Variants in TRIM45 observed in about 807,000 individuals in gnomAD.
TRIM45 encodes the protein E3 ubiquitin-protein ligase TRIM45.
A neutral mutation model predicts 46.7 loss-of-function variants in TRIM45; 45 were observed. That is an observed-to-expected ratio of 0.96 (90% CI 0.76 to 1.24). The LOEUF is 1.24. Among genes scored for constraint, TRIM45 ranks in the 50% most tolerant of loss-of-function variants. The pLI is 0.00. For synonymous variants in TRIM45, 259 were observed against 285.8 expected, an observed-to-expected ratio of 0.91 and a Z score of 0.94; for missense variants, 680 against 728.4, an observed-to-expected ratio of 0.93 and a Z score of 0.77.
At chr1:117,120,252 T>C (rs1463475410) in intron 1 of TRIM45, among the ~76,000 whole-genome samples, 4 of 152,224 alleles carry the variant, frequency 2.6e-5, no homozygotes, top group African/African-American at 9.7e-5. Context: ...TCAGTTCTGT[T>C]ACACACTTAC....
chr1:117,122,817 AC>A (rs1056599302), upstream of TRIM45, among the ~76,000 whole-genome samples: 5 of 152,198 alleles, frequency 3.3e-5, no homozygotes, highest in African/African-American at 1.2e-4. Flanking sequence ...AAAAATGGAA[AC>A]AGCTGCTCCT....
chr1:117,122,073 C>T (rs1650671179), upstream of TRIM45: 2 of 406,772 alleles, frequency 4.9e-6, no homozygotes, highest in Non-Finnish European at 8.8e-6. Context: ...CTCAGGACCT[C>T]TTAAAAAGCC....
Position 117,112,125 on chromosome 1 carries a change from TGCTCAACCA to T in TRIM45, c.*171_*179del. On this transcript the variant is annotated 3_prime_UTR_variant, in exon 6 of 6. Coordinates refer to ENST00000256649, the MANE Select transcript of TRIM45 (RefSeq NM_025188.4). Reference sequence around the variant, plus strand: ...AGAGAAATGTAGAGGTGGTTTTTTGTGCTCAACCATCCACAAGTACAATCAGTGAATAAC... The same window carrying T: ...AGAGAAATGTAGAGGTGGTTTTTTGTTCCACAAGTACAATCAGTGAATAAC... The T allele has an allele frequency of 1.6e-6, 1 of 612,284 alleles. No homozygotes were observed. The highest frequency in any genetic ancestry group is 2.5e-6 in the Non-Finnish European group (1 of 402,956). The allele number at this position is 612,284 out of a possible 1,614,324, so 37.9% of individuals were successfully genotyped here. A position where few individuals can be genotyped will look rare whatever the true frequency, so the allele number is the denominator to read the frequency against.
rs1323180260 is a variant in TRIM45 at position 117,115,277 on chromosome 1, G to C, written c.1467+298C>G. On this transcript the variant is annotated intron_variant, in intron 4 of 5. Coordinates refer to ENST00000256649, the MANE Select transcript of TRIM45 (RefSeq NM_025188.4). This position sits in a 1 kb window ranked among gnomAD's most constrained non-coding sequence, Gnocchi z 4.2. ...GAATATGCATGGTTGTCTGCTGGCA[G>C]ATCACCCCCTGTGATCAAGACATCT... 6.6e-6 allele frequency among the ~76,000 whole-genome samples: 1 copy of C among 152,120 alleles called. No individual in the cohort carries two copies. The highest frequency in any genetic ancestry group is 1.9e-4 in the East Asian group (1 of 5,194).
chr1:117,120,668 T>C (rs751935174), intron 1 of TRIM45, 46 bp downstream of exon 1: 1 of 1,538,568 alleles, frequency 6.5e-7, no homozygotes, highest in Non-Finnish European at 8.8e-7. Context: ...GACACCTCTT[T>C]GTAATCTGCT....
chr1:117,117,953 C>G lies in TRIM45; in HGVS notation c.1222+81G>C, dbSNP rs1650463816. The G allele has an allele frequency of 1.3e-6, 2 of 1,531,268 alleles. No individual in the cohort carries two copies. The allele number at this position is 1,531,268 out of a possible 1,614,324, so 94.9% of individuals were successfully genotyped here. ...TAACCTGGTCAGTAGGGCATGCTTCCTAGCAGAACAAGCCACCAATCTTCA... is the reference window on the plus strand; with the variant it reads ...TAACCTGGTCAGTAGGGCATGCTTCGTAGCAGAACAAGCCACCAATCTTCA... On this transcript the variant is annotated intron_variant, in intron 2 of 5. Coordinates refer to ENST00000256649, the MANE Select transcript of TRIM45 (RefSeq NM_025188.4). The surrounding 1 kb of genome is among the most constrained non-coding windows in gnomAD (Gnocchi z 4.9).
In TRIM45 at chr1:117,117,823, G is replaced by A. The variant is rs1370861121; in HGVS notation, c.1222+211C>T. Reference sequence around the variant, plus strand: ...TTATTACTTCTCTGAACTGGAAAAGGGTCAAGCCTCACTCCTGTATTAACT... The same window carrying A: ...TTATTACTTCTCTGAACTGGAAAAGAGTCAAGCCTCACTCCTGTATTAACT... On this transcript the variant is annotated intron_variant, in intron 2 of 5. Transcript: ENST00000256649. The surrounding 1 kb of genome is among the most constrained non-coding windows in gnomAD (Gnocchi z 4.9). 6.6e-6 allele frequency among the ~76,000 whole-genome samples: 1 copy of A among 152,168 alleles called. No individual in the cohort carries two copies. The highest frequency in any genetic ancestry group is 1.5e-5 in the Non-Finnish European group (1 of 68,020).
In TRIM45 at chr1:117,121,029, G is replaced by C. The variant is rs780891114; in HGVS notation, c.173C>G (p.Pro58Arg). 6.8e-6 allele frequency: 11 copies of C among 1,614,024 alleles called. No individual in the cohort carries two copies. The highest frequency in any genetic ancestry group is 7.6e-6 in the Non-Finnish European group (9 of 1,180,040). ...CCCTCGGATGTCCACTACTGAGAAG[G>C]GCTCCAGCTGCTCCAGACACGTGGT... is the stretch of plus-strand genomic sequence containing the variant. Reference protein sequence around the residue: ...VCTTCLEQLEPFSVVDIRGGD... With the variant: ...VCTTCLEQLERFSVVDIRGGD... The change falls in exon 1 of 6, where the codon CCC becomes CGC. Residue 58 changes from proline (P) to arginine (R), a missense_variant. Around this residue, in one of 3 missense-constraint regions of TRIM45, gnomAD observed 349 missense variants for 343.6 expected, o/e 1.02. Transcript: ENST00000256649. The surrounding 1 kb of genome is among the most constrained non-coding windows in gnomAD (Gnocchi z 4.2).
rs564147053 is a variant in TRIM45, at chr1:117,113,128, G to A, written c.1594+231C>T. On this transcript the variant is annotated intron_variant, in intron 5 of 5. Transcript: ENST00000256649. The surrounding 1 kb of genome is among the most constrained non-coding windows in gnomAD (Gnocchi z 4.0). Reference sequence around the variant, plus strand: ...CTACATAGAAGCACAGGGCTCATAGGAGCTGTACCAAAACTAACAGAACTG... The same window carrying A: ...CTACATAGAAGCACAGGGCTCATAGAAGCTGTACCAAAACTAACAGAACTG... Among the ~76,000 whole-genome samples the A allele has an allele frequency of 6.6e-6, 1 of 152,334 alleles. No homozygotes were observed. The highest frequency in any genetic ancestry group is 1.5e-5 in the Non-Finnish European group (1 of 68,028).
At position 117,117,251 on chromosome 1, in the gene TRIM45, G is replaced by A. The variant is rs141662701; in HGVS notation, c.1223-506C>T. ...CTACTCCAGCATTCAGATGAAACAGGGTTTCTTAACCTGAGGTTCATGAAC... is the reference window on the plus strand; with the variant it reads ...CTACTCCAGCATTCAGATGAAACAGAGTTTCTTAACCTGAGGTTCATGAAC... On this transcript the variant is annotated intron_variant, in intron 2 of 5. Coordinates refer to ENST00000256649, the MANE Select transcript of TRIM45 (RefSeq NM_025188.4). This position sits in a 1 kb window ranked among gnomAD's most constrained non-coding sequence, Gnocchi z 4.9. 2.2e-3 allele frequency among the ~76,000 whole-genome samples: 336 copies of A among 152,224 alleles called. 2 individuals carry two copies. Among genetic ancestry groups the A allele is most frequent in the African/African-American group, 7.5e-3 (310 of 41,538 alleles).
At position 117,119,765 on chromosome 1, in the gene TRIM45, A is replaced by G. The variant is rs557083031; in HGVS notation, c.488+949T>C. Reference sequence around the variant, plus strand: ...AGAGTTCCTCCATTAGCATTGTATCAATTTGAAGCTTATATGCCTATTCTG... The same window carrying G: ...AGAGTTCCTCCATTAGCATTGTATCGATTTGAAGCTTATATGCCTATTCTG... On this transcript the variant is annotated intron_variant, in intron 1 of 5. Coordinates refer to ENST00000256649, the MANE Select transcript of TRIM45 (RefSeq NM_025188.4). Among the ~76,000 whole-genome samples, 4 of 152,336 alleles carry G rather than the reference A, an allele frequency of 2.6e-5. No individual in the cohort carries two copies. In the South Asian group the frequency reaches 6.2e-4, roughly 24 times the overall value.
At position 117,117,998 on chromosome 1, in the gene TRIM45, C is replaced by A. The variant is rs769447962; in HGVS notation, c.1222+36G>T. On this transcript the variant is annotated intron_variant, in intron 2 of 5. Coordinates refer to ENST00000256649, the MANE Select transcript of TRIM45 (RefSeq NM_025188.4). The surrounding 1 kb of genome is among the most constrained non-coding windows in gnomAD (Gnocchi z 4.9). ...TCTTCACACACCACCTCCCTGTCCACTGCCCTCTCAATGTCAATGGGAAAT... is the reference window on the plus strand; with the variant it reads ...TCTTCACACACCACCTCCCTGTCCAATGCCCTCTCAATGTCAATGGGAAAT... The A allele has an allele frequency of 6.3e-7, 1 of 1,588,602 alleles. No individual in the cohort carries two copies. Among genetic ancestry groups the A allele is most frequent in the South Asian group, 1.2e-5 (1 of 85,130 alleles).
rs1650628933 is a variant in TRIM45 at position 117,121,454 on chromosome 1, C to T, written c.-253G>A. 7.7e-6 allele frequency: 4 copies of T among 522,856 alleles called. No homozygotes were observed. The highest frequency in any genetic ancestry group is 3.7e-5 in the Admixed American group (1 of 27,380). 32.4% of individuals were successfully genotyped at this position (522,856 alleles called of 1,614,324 possible). On this transcript the variant is annotated 5_prime_UTR_variant, in exon 1 of 6. Transcript: ENST00000256649. The surrounding 1 kb of genome is among the most constrained non-coding windows in gnomAD (Gnocchi z 4.2). ...GACACGCCCACGCCCTCCTCTGCCC[C>T]GCAAGTCCTCCCCGGATGCGCTTCC...
chr1:117,122,860 G>A (rs991573076), upstream of TRIM45, among the ~76,000 whole-genome samples: 4 of 152,102 alleles, frequency 2.6e-5, no homozygotes, highest in South Asian at 2.1e-4. Flanking sequence ...CTCCAGTTGC[G>A]TCAGCTTGTC....
Position 117,118,486 on chromosome 1 carries a change from GC to G in TRIM45, c.769del (p.Ala257LeufsTer5). The G allele has an allele frequency of 6.2e-7, 1 of 1,614,154 alleles. No individual in the cohort carries two copies. The highest frequency in any genetic ancestry group is 8.5e-7 in the Non-Finnish European group (1 of 1,180,038). The part of the protein sequence containing the change: ...PHVEALEEAL[A>X]QIHIINSALQ... Reference sequence around the variant, plus strand: ...GGCACTGTTTATTATGTGGATCTGAGCCAGGGCTTCCTCCAGGGCCTCCACG... The same window carrying G: ...GGCACTGTTTATTATGTGGATCTGAGCAGGGCTTCCTCCAGGGCCTCCACG... On this transcript the variant is annotated frameshift_variant, in exon 2 of 6. Coordinates refer to ENST00000256649, the MANE Select transcript of TRIM45 (RefSeq NM_025188.4). LOFTEE classifies it high-confidence loss of function. The surrounding 1 kb of genome is among the most constrained non-coding windows in gnomAD (Gnocchi z 5.7).
At chr1:117,123,923 G>A (rs565805818), upstream of TRIM45, among the ~76,000 whole-genome samples, 2 of 152,088 alleles carry the variant, frequency 1.3e-5, no homozygotes, top group African/African-American at 4.8e-5. Context: ...GAGCCACCGC[G>A]CCTGGCCACC....
At chr1:117,114,563 G>C (rs1374717675) in intron 4 of TRIM45, among the ~76,000 whole-genome samples, 1 of 152,226 alleles carries the variant, frequency 6.6e-6, no homozygotes, top group East Asian at 1.9e-4. Context: ...AAGTCTTTCA[G>C]ATGTTAAATT....
chr1:117,120,572 G>T, intron 1 of TRIM45, 142 bp downstream of exon 1: 2 of 1,175,334 alleles, frequency 1.7e-6, no homozygotes, highest in Non-Finnish European at 2.4e-6. Context: ...TGGAGTATTT[G>T]CTATTGCATT....
Position 117,118,746 on chromosome 1 carries a change from G to C in TRIM45, c.510C>G (p.Tyr170Ter), listed in dbSNP as rs750470814. Residue 170 changes from tyrosine (Y) to a stop codon, truncating the protein, a stop_gained, in exon 2 of 6, where the codon TAC (tyrosine) becomes TAG (stop). Coordinates refer to ENST00000256649, the MANE Select transcript of TRIM45 (RefSeq NM_025188.4). LOFTEE classifies it high-confidence loss of function. This position sits in a 1 kb window ranked among gnomAD's most constrained non-coding sequence, Gnocchi z 5.7. ...QAHRRQKKTT[Y>*]HTMVDLKDLK... ...AGTCTTTTAGGTCCACCATGGTGTG[G>C]TAAGTCGTTTTCTTCTGCCGCCTAG... 6 of 1,612,464 alleles carry C rather than the reference G, an allele frequency of 3.7e-6. No homozygotes were observed. In the African/African-American group the frequency reaches 6.7e-5, roughly 18 times the overall value.
Sources: gnomAD v4.1 joint callset for allele counts (sites outside exome capture counted in the v4.1 genomes callset) on GRCh38, gnomAD v4.1.1 for gene constraint, gnomAD v4.1.1 regional missense constraint, Gnocchi (gnomAD v3.1) non-coding constraint, MANE v1.5 for transcripts, NCBI Gene and HGNC (gene_info 2026-07-23, HGNC 2026-07-21) for gene names.